Variants in ATP2B2 observed in about 807,000 individuals in gnomAD.
The protein encoded by ATP2B2 is plasma membrane calcium-transporting ATPase 2.
ATP2B2 carries 15 observed loss-of-function variants against 120.0 expected under a neutral mutation model. The observed-to-expected ratio is 0.12, with a 90% CI of 0.08 to 0.19. The LOEUF (loss-of-function observed/expected upper bound fraction) is 0.19. ATP2B2 is among the 10% of genes least tolerant of loss of function. ATP2B2 has a pLI of 1.00. For missense variants in ATP2B2, 1,045 were observed against 1,719.8 expected (o/e 0.61, Z 6.94); for synonymous variants, 694 against 700.3 (o/e 0.99, Z 0.14).
intron 2 of ATP2B2, chr3:10,570,389 C>T (rs1248881936): frequency 6.6e-6 from 1 of 152,224 alleles, no homozygotes; most frequent in African/African-American, 2.4e-5. Context: ...AGGGAGCTGC[C>T]TGGCACCCCT....
At chr3:10,487,651 A>C (rs1467242660) in intron 1 of ATP2B2, among the ~76,000 whole-genome samples, 1 of 152,236 alleles carries the variant, frequency 6.6e-6, no homozygotes, top group Admixed American at 6.5e-5. Context: ...GTACTCAATG[A>C]AAACTTGCGA....
intron 2 of ATP2B2, among the ~76,000 whole-genome samples, chr3:10,606,880 A>AACACACACACACACACACACACAC (rs147614282): frequency 2.0e-5 from 2 of 100,050 alleles, no homozygotes; most frequent in African/African-American, 1.0e-4. Flanking sequence ...ACGGAGTCTA[A>AACACACACACACACACACACACAC]ACACACACAC....
At chr3:10,418,000 T>C (rs1575169270) in intron 2 of ATP2B2, among the ~76,000 whole-genome samples, 1 of 152,192 alleles carries the variant, frequency 6.6e-6, no homozygotes, top group Non-Finnish European at 1.5e-5. Context: ...ATTTATAGCA[T>C]GCCACATGGG....
intron 1 of ATP2B2, among the ~76,000 whole-genome samples, chr3:10,622,600 G>T (rs894694009): frequency 1.3e-5 from 2 of 152,106 alleles, no homozygotes; most frequent in African/African-American, 4.8e-5. Flanking sequence ...AGTGGATGCG[G>T]GAGGCTGAAG....
intron 2 of ATP2B2, among the ~76,000 whole-genome samples, chr3:10,600,346 C>G (rs957808734): frequency 1.3e-5 from 2 of 152,174 alleles, no homozygotes; most frequent in African/African-American, 2.4e-5. Context: ...GTCACCTGCC[C>G]CCAGGCTCTG....
chr3:10,579,271 A>T (rs984061411), intron 2 of ATP2B2, among the ~76,000 whole-genome samples: 1 of 152,192 alleles, frequency 6.6e-6, no homozygotes, highest in Non-Finnish European at 1.5e-5. Context: ...GTAAAATGGG[A>T]ATAATGAGCT....
intron 1 of ATP2B2, among the ~76,000 whole-genome samples, chr3:10,495,853 G>A (rs1444050171): frequency 6.6e-6 from 1 of 152,254 alleles, no homozygotes; most frequent in Admixed American, 6.5e-5. Flanking sequence ...GGTCCTGGAA[G>A]TTATTCATGG....
intron 11 of ATP2B2, among the ~76,000 whole-genome samples, chr3:10,374,243 C>A (rs529285319): frequency 3.1e-4 from 47 of 152,194 alleles, no homozygotes; most frequent in Non-Finnish European, 5.7e-4. Flanking sequence ...GGCTCTATAA[C>A]AGTCACCCTC....
intron 1 of ATP2B2, among the ~76,000 whole-genome samples, chr3:10,490,277 A>T (rs954567057): frequency 2.0e-5 from 3 of 152,272 alleles, no homozygotes; most frequent in African/African-American, 7.2e-5. Context: ...TGGACAGGTC[A>T]CTGTGTATCA....
At chr3:10,554,335 AC>A (rs1257476798) in intron 2 of ATP2B2, among the ~76,000 whole-genome samples, 1 of 151,966 alleles carries the variant, frequency 6.6e-6, no homozygotes, top group African/African-American at 2.4e-5. Flanking sequence ...CCACATCCAA[AC>A]CCCCAGAGCC....
rs567306271 is a variant in ATP2B2 at position 10,675,123 on chromosome 3, G to A, written c.-460+32792C>T. On this transcript the variant is annotated intron_variant, in intron 1 of 21. Transcript: ENST00000646379. ...CTCTACATAGGCGATGTGGGAAGTG[G>A]GATTTGCTTGTAGTAAACATTTTAT... is the stretch of plus-strand genomic sequence containing the variant. 3.3e-5 allele frequency among the ~76,000 whole-genome samples: 5 copies of A among 152,304 alleles called. No homozygotes were observed. The South Asian group carries it at 1.0e-3, about 32-fold the overall frequency.
intron 1 of ATP2B2, among the ~76,000 whole-genome samples, chr3:10,478,887 G>A (rs930201849): frequency 1.3e-5 from 2 of 152,092 alleles, no homozygotes; most frequent in African/African-American, 4.8e-5. Context: ...GGATCATGGG[G>A]GTGGTTTTCT....
At chr3:10,657,558 C>A (rs1032503863) in intron 1 of ATP2B2, among the ~76,000 whole-genome samples, 3 of 152,342 alleles carry the variant, frequency 2.0e-5, no homozygotes, top group African/African-American at 4.8e-5. Flanking sequence ...GGAGGGGGGC[C>A]TGCCATTGCT....
intron 13 of ATP2B2, 107 bp downstream of exon 13, chr3:10,359,775 G>C (rs1473160731): frequency 1.3e-6 from 2 of 1,527,336 alleles, no homozygotes; most frequent in Non-Finnish European, 1.8e-6. Flanking sequence ...AGCCGGGCAG[G>C]CTGCTGAGCC....
At chr3:10,676,658 T>C (rs1434399766) in intron 1 of ATP2B2, among the ~76,000 whole-genome samples, 1 of 152,168 alleles carries the variant, frequency 6.6e-6, no homozygotes, top group East Asian at 1.9e-4. Flanking sequence ...AGAATGGCTC[T>C]TTGGTCCATC....
chr3:10,497,285 T>A (rs1260740185), intron 1 of ATP2B2, among the ~76,000 whole-genome samples: 1 of 152,208 alleles, frequency 6.6e-6, no homozygotes, highest in Non-Finnish European at 1.5e-5. Context: ...TGAACCAACA[T>A]GGGCAAAGAG....
At chr3:10,694,678 T>C (rs1371180736) in intron 1 of ATP2B2, among the ~76,000 whole-genome samples, 2 of 152,230 alleles carry the variant, frequency 1.3e-5, no homozygotes, top group Non-Finnish European at 2.9e-5. Context: ...TAGCATCACA[T>C]TTTTCAATTT....
intron 2 of ATP2B2, among the ~76,000 whole-genome samples, chr3:10,598,482 G>A (rs2068824392): frequency 6.6e-6 from 1 of 152,212 alleles, no homozygotes; most frequent in Admixed American, 6.5e-5. Flanking sequence ...AAAATTTGGA[G>A]GGAATACAAA....
At chr3:10,360,931 C>G (rs1469005148) in intron 12 of ATP2B2, among the ~76,000 whole-genome samples, 1 of 152,152 alleles carries the variant, frequency 6.6e-6, no homozygotes, top group East Asian at 1.9e-4. Flanking sequence ...CCCCCGACTC[C>G]CTGGCCATGG....
Sources: gnomAD v4.1 joint callset for allele counts (sites outside exome capture counted in the v4.1 genomes callset) on GRCh38, gnomAD v4.1.1 for gene constraint, MANE v1.5 for transcripts, NCBI Gene and HGNC (gene_info 2026-07-23, HGNC 2026-07-21) for gene names.